RARB: variants seen among roughly 807,000 people sequenced by gnomAD.
RARB encodes HBV-activated protein.
RARB carries 17 observed loss-of-function variants against 51.9 expected under a neutral mutation model. That is an observed-to-expected ratio of 0.33 (90% CI 0.22 to 0.49). The LOEUF (loss-of-function observed/expected upper bound fraction) is 0.49, where lower values mean the gene tolerates loss of function less well. Ranked by LOEUF, RARB falls within the 20% of genes least tolerant of loss-of-function variation. RARB has a pLI of 0.99. For missense variants in RARB, 369 were observed against 550.8 expected, an observed-to-expected ratio of 0.67 and a Z score of 3.30; for synonymous variants, 215 against 195.4, an observed-to-expected ratio of 1.10 and a Z score of -0.84.
At position 25,136,491 on chromosome 3, in the gene RARB, T is replaced by G. The variant is rs764977839; in HGVS notation, c.-280+4283T>G. ...TTTTATGTTTTGTAAAAATAACCCA[T>G]ACAGCATGCTAGAGTGTTTTGTTTT... On this transcript the variant is annotated intron_variant, in intron 4 of 11. Transcript: ENST00000383772. Among the ~76,000 whole-genome samples the G allele has an allele frequency of 1.5e-4, 23 of 152,018 alleles. 1 individual carries two copies. The highest frequency in any genetic ancestry group is 5.9e-5 in the Non-Finnish European group (4 of 67,944).
chr3:25,031,050 T>G (rs934967298), intron 2 of RARB, among the ~76,000 whole-genome samples: 1 of 152,134 alleles, frequency 6.6e-6, no homozygotes, highest in Non-Finnish European at 1.5e-5. Context: ...CTACTGACAT[T>G]TGGGGCATGA....
chr3:25,289,870 C>A (rs892813891), intron 5 of RARB, among the ~76,000 whole-genome samples: 1 of 152,080 alleles, frequency 6.6e-6, no homozygotes, highest in Non-Finnish European at 1.5e-5. Flanking sequence ...AGTTCTTAAC[C>A]GGAGACCCTA....
At chr3:24,974,190 G>A (rs544851301) in intron 2 of RARB, among the ~76,000 whole-genome samples, 2 of 152,076 alleles carry the variant, frequency 1.3e-5, no homozygotes, top group East Asian at 3.9e-4. Flanking sequence ...AGATTTTCCA[G>A]CATCAATTGA....
intron 5 of RARB, among the ~76,000 whole-genome samples, chr3:25,586,569 C>T (rs570105138): frequency 2.1e-4 from 32 of 152,336 alleles, no homozygotes; most frequent in African/African-American, 7.7e-4. Context: ...CACACGGCTT[C>T]CTGAGTCCTG....
intron 5 of RARB, among the ~76,000 whole-genome samples, chr3:25,320,621 T>C (rs1704544704): frequency 1.3e-5 from 2 of 152,258 alleles, no homozygotes; most frequent in African/African-American, 4.8e-5. Context: ...TTCTAAATGC[T>C]ACATCTCATT....
At chr3:25,548,835 T>G (rs1699729221) in intron 3 of RARB, among the ~76,000 whole-genome samples, 1 of 152,144 alleles carries the variant, frequency 6.6e-6, no homozygotes, top group African/African-American at 2.4e-5. Context: ...TCTAAAAATT[T>G]TTTCCAATAT....
chr3:25,409,695 C>G (rs185181906), intron 5 of RARB, among the ~76,000 whole-genome samples: 111 of 152,312 alleles, frequency 7.3e-4, no homozygotes, highest in African/African-American at 2.5e-3. Flanking sequence ...GATGACCTCT[C>G]TAATAATGTG....
intron 2 of RARB, among the ~76,000 whole-genome samples, chr3:24,935,269 T>C (rs1695525946): frequency 6.6e-6 from 1 of 152,126 alleles, no homozygotes; most frequent in Non-Finnish European, 1.5e-5. Flanking sequence ...TATATTAATA[T>C]ATCCCACTGA....
chr3:25,006,058 C>G (rs890867112), intron 2 of RARB, among the ~76,000 whole-genome samples: 3 of 152,100 alleles, frequency 2.0e-5, no homozygotes, highest in African/African-American at 7.2e-5. Flanking sequence ...AACTGTCCTT[C>G]ACCAGACAGC....
chr3:25,110,529 T>C (rs889057740), intron 3 of RARB, among the ~76,000 whole-genome samples: 1 of 152,198 alleles, frequency 6.6e-6, no homozygotes, highest in Non-Finnish European at 1.5e-5. Flanking sequence ...AATTTTGTTT[T>C]AAATATTAAG....
At chr3:25,344,915 C>G (rs185009732) in intron 5 of RARB, among the ~76,000 whole-genome samples, 4 of 151,954 alleles carry the variant, frequency 2.6e-5, no homozygotes, top group South Asian at 4.2e-4. Context: ...AATTGTCATT[C>G]TCATGCACGG....
At chr3:24,966,712 C>T (rs1696282817) in intron 2 of RARB, among the ~76,000 whole-genome samples, 1 of 151,856 alleles carries the variant, frequency 6.6e-6, no homozygotes, top group African/African-American at 2.4e-5. Flanking sequence ...AGGGTGTTGT[C>T]TAAAGTATGG....
intron 5 of RARB, among the ~76,000 whole-genome samples, chr3:25,363,095 C>T (rs1016323609): frequency 1.4e-4 from 21 of 151,698 alleles, no homozygotes; most frequent in South Asian, 8.3e-4. Context: ...GTAGGCAAAA[C>T]GAAGAGTGCA....
rs185488855 is a variant in RARB at position 25,168,234 on chromosome 3, T to A, written c.-279-5885T>A. 7.9e-5 allele frequency among the ~76,000 whole-genome samples: 12 copies of A among 152,284 alleles called. No individual in the cohort carries two copies. In the East Asian group the frequency reaches 1.9e-3, roughly 24 times the overall value. ...CTTTTTTTTGTCTTTTTCTTTTTCT[T>A]TTTTGAGATGGAGTGTTGCTCTGTT... On this transcript the variant is annotated intron_variant, in intron 4 of 11. Coordinates refer to the RARB transcript ENST00000383772.
intron 2 of RARB, among the ~76,000 whole-genome samples, chr3:25,484,220 G>C (rs1312441764): frequency 6.6e-6 from 1 of 152,168 alleles, no homozygotes; most frequent in Non-Finnish European, 1.5e-5. Context: ...TTATGAGAAA[G>C]GGCGAGGAGG....
At chr3:24,858,398 C>G (rs916035924) in intron 1 of RARB, among the ~76,000 whole-genome samples, 2 of 152,128 alleles carry the variant, frequency 1.3e-5, no homozygotes, top group Non-Finnish European at 2.9e-5. Flanking sequence ...TAAGCCCACC[C>G]CTGAGCCCAG....
At chr3:25,440,456 A>T (rs1056246866) in intron 1 of RARB, among the ~76,000 whole-genome samples, 6 of 151,770 alleles carry the variant, frequency 4.0e-5, no homozygotes, top group Admixed American at 2.0e-4. Context: ...AAAAAATAAA[A>T]AAAAAAAAAG....
At chr3:24,937,835 A>AT (rs1695578181) in intron 2 of RARB, among the ~76,000 whole-genome samples, 1 of 152,042 alleles carries the variant, frequency 6.6e-6, no homozygotes, top group South Asian at 2.1e-4. Context: ...AAATAAAGAG[A>AT]TTTTAATCCC....
chr3:25,078,268 C>T (rs4858699), intron 3 of RARB, among the ~76,000 whole-genome samples: 108,485 of 151,982 alleles, frequency 0.71, 39,533 homozygotes, highest in Admixed American at 0.81. Flanking sequence ...CTTTTTATCT[C>T]GGGATCTTTA....
Sources: gnomAD v4.1 joint callset for allele counts (sites outside exome capture counted in the v4.1 genomes callset) on GRCh38, gnomAD v4.1.1 for gene constraint, MANE v1.5 for transcripts, NCBI Gene and HGNC (gene_info 2026-07-23, HGNC 2026-07-21) for gene names.